Variants in PTPRG observed in about 807,000 individuals in gnomAD.
The protein encoded by PTPRG is receptor-type tyrosine-protein phosphatase gamma.
Under a neutral mutation model 165.3 loss-of-function variants are expected in PTPRG, and 102 were observed. The ratio of observed to expected loss-of-function variants is 0.62; its 90% CI spans 0.53 to 0.73. The LOEUF (loss-of-function observed/expected upper bound fraction) is 0.73. Among genes scored for constraint, PTPRG ranks in the 30% least tolerant of loss-of-function variants. The pLI, the probability that PTPRG is intolerant of heterozygous loss-of-function variation, is 0.00. For synonymous variants in PTPRG, 675 were observed against 669.5 expected (o/e 1.01, Z -0.13); for missense variants, 1,866 against 1,861.4 (o/e 1.00, Z -0.05).
intron 5 of PTPRG, among the ~76,000 whole-genome samples, chr3:62,129,373 A>G (rs1366730437): frequency 6.6e-6 from 1 of 152,164 alleles, no homozygotes; most frequent in Non-Finnish European, 1.5e-5. Flanking sequence ...TTCCTGTCGT[A>G]GTCTTTTTTG....
chr3:62,217,566 G>C lies in PTPRG; in HGVS notation c.2156-1285G>C, dbSNP rs576118471. ...GAGGGACACTCCGGGCTGGCTGAACGCTGGCCTCGTTTTTGCAGTGCAGGA... is the reference window on the plus strand; with the variant it reads ...GAGGGACACTCCGGGCTGGCTGAACCCTGGCCTCGTTTTTGCAGTGCAGGA... On this transcript the variant is annotated intron_variant, in intron 12 of 29. Coordinates refer to ENST00000474889, the MANE Select transcript of PTPRG (RefSeq NM_002841.4). This position sits in a 1 kb window ranked among gnomAD's most constrained non-coding sequence, Gnocchi z 4.3. The C allele has an allele frequency of 1.4e-4, 22 of 152,376 alleles. No individual in the cohort carries two copies. Among genetic ancestry groups the C allele is most frequent in the Admixed American group, 9.1e-4 (14 of 15,310 alleles). The allele number at this position is 152,376 out of a possible 1,614,324, so 9.4% of individuals were successfully genotyped here. A position where few individuals can be genotyped will look rare whatever the true frequency, so the allele number is the denominator to read the frequency against.
chr3:62,151,839 T>C (rs898761797), intron 6 of PTPRG, among the ~76,000 whole-genome samples: 41 of 152,290 alleles, frequency 2.7e-4, no homozygotes, highest in African/African-American at 8.9e-4. Flanking sequence ...GCACTATGCA[T>C]GCTTACTGTG....
intron 2 of PTPRG, among the ~76,000 whole-genome samples, chr3:61,832,105 ATGT>A (rs1273620832): frequency 3.9e-5 from 6 of 152,232 alleles, no homozygotes; most frequent in Admixed American, 3.3e-4. Flanking sequence ...AAGTGTAATC[ATGT>A]TGTTCAGCCT....
rs939924545 is a variant in PTPRG, at chr3:62,276,073, G to C, written c.3559+107G>C. On this transcript the variant is annotated intron_variant, in intron 24 of 29. Coordinates refer to ENST00000474889, the MANE Select transcript of PTPRG (RefSeq NM_002841.4). ...ATTGATAGCACCCTTCAATTGTACTGTACGTGGCCGTATGGTAGAAGGTTT... is the reference window on the plus strand; with the variant it reads ...ATTGATAGCACCCTTCAATTGTACTCTACGTGGCCGTATGGTAGAAGGTTT... The C allele has an allele frequency of 4.2e-6, 3 of 711,796 alleles. No individual in the cohort carries two copies. The Admixed American group carries it at 9.6e-5, about 23-fold the overall frequency. 44.1% of individuals were successfully genotyped at this position (711,796 alleles called of 1,614,324 possible). A position where few individuals can be genotyped will look rare whatever the true frequency, so the allele number is the denominator to read the frequency against.
At chr3:62,178,215 A>C (rs1705508999) in intron 8 of PTPRG, among the ~76,000 whole-genome samples, 1 of 151,802 alleles carries the variant, frequency 6.6e-6, no homozygotes, top group African/African-American at 2.4e-5. Flanking sequence ...GGATGGGAGG[A>C]TGGATGGATG....
At chr3:62,279,180 C>A (rs540484344) in intron 26 of PTPRG, among the ~76,000 whole-genome samples, 3 of 152,006 alleles carry the variant, frequency 2.0e-5, no homozygotes, top group Non-Finnish European at 2.9e-5. Context: ...TATACCTTTA[C>A]CAGGTCATAA....
chr3:61,599,901 G>A (rs1488037098), intron 1 of PTPRG, among the ~76,000 whole-genome samples: 3 of 151,938 alleles, frequency 2.0e-5, no homozygotes, highest in Non-Finnish European at 4.4e-5. Context: ...GCCCACGCCT[G>A]TAATCTCAGC....
chr3:61,747,122 CA>C (rs34710146), intron 1 of PTPRG, among the ~76,000 whole-genome samples: 118,934 of 150,514 alleles, frequency 0.79, 46,907 homozygotes, highest in East Asian at 0.92. Context: ...GACCCTGTTT[CA>C]AAAAAAAAAC....
At position 61,748,970 on chromosome 3, in the gene PTPRG, T is replaced by C. The variant is rs1468683681; in HGVS notation, c.178T>C (p.Trp60Arg). 3 of 1,611,704 alleles carry C rather than the reference T, an allele frequency of 1.9e-6. No homozygotes were observed. Residue 60 changes from tryptophan to arginine, a missense_variant, in exon 2 of 30, where the codon TGG becomes CGG. Trp to Arg is a moderately radical substitution (Grantham distance 101). This residue lies in a region of PTPRG where 408 missense variants were observed against 376.2 expected (regional missense o/e 1.08). Coordinates refer to ENST00000474889, the MANE Select transcript of PTPRG (RefSeq NM_002841.4). ...GCGCAAGGCTTCAGGCGACCCGTAC[T>C]GGGCCTACTCTGGTAAGTCCAGTTG... ...RRRKASGDPY[W>R]AYSGAYGPEH... is the part of the protein sequence containing the mutation.
Position 61,956,272 on chromosome 3 carries a change from G to A in PTPRG, c.191-33353G>A, listed in dbSNP as rs190435595. ...ACAGCCAGTGCTCACTCGCGTGCAC[G>A]CTGTCTCTCTCTCTCTCTCTCTCAC... On this transcript the variant is annotated intron_variant, in intron 2 of 29. Coordinates refer to ENST00000474889, the MANE Select transcript of PTPRG (RefSeq NM_002841.4). Among the ~76,000 whole-genome samples the A allele has an allele frequency of 2.3e-3, 260 of 111,022 alleles. 1 individual carries two copies. Among genetic ancestry groups the A allele is most frequent in the African/African-American group, 8.0e-3 (246 of 30,942 alleles). 72.8% of individuals were successfully genotyped at this position (111,022 alleles called of 152,430 possible). A position where few individuals can be genotyped will look rare whatever the true frequency, so the allele number is the denominator to read the frequency against.
Position 62,202,752 on chromosome 3 carries a change from T to C in PTPRG, c.1378-421T>C, listed in dbSNP as rs555147032. 9.1e-4 allele frequency among the ~76,000 whole-genome samples: 139 copies of C among 152,334 alleles called. 2 individuals are homozygous for C. Among genetic ancestry groups the C allele is most frequent in the African/African-American group, 3.1e-3 (129 of 41,572 alleles). ...CTTTCCAGACCTAGAGCTGAGTATC[T>C]ACTCAAGTGTCAGTGATATACATAA... On this transcript the variant is annotated intron_variant, in intron 11 of 29. Coordinates refer to ENST00000474889, the MANE Select transcript of PTPRG (RefSeq NM_002841.4).
chr3:62,077,473 T>G (rs1701426725), intron 4 of PTPRG, among the ~76,000 whole-genome samples: 1 of 152,096 alleles, frequency 6.6e-6, no homozygotes, highest in African/African-American at 2.4e-5. Context: ...CAGGGCTTGT[T>G]AAGAGGATTA....
intron 2 of PTPRG, among the ~76,000 whole-genome samples, chr3:61,784,894 T>G (rs1256465869): frequency 6.6e-6 from 1 of 152,206 alleles, no homozygotes; most frequent in Non-Finnish European, 1.5e-5. Context: ...TGAAAACGGA[T>G]GAATTTAAAA....
At chr3:61,775,413 G>A (rs2034346403) in intron 2 of PTPRG, among the ~76,000 whole-genome samples, 1 of 152,114 alleles carries the variant, frequency 6.6e-6, no homozygotes, top group African/African-American at 2.4e-5. Context: ...TTGCAAGACT[G>A]TATGTAGCAA....
chr3:61,677,244 CAA>C (rs11426161), intron 1 of PTPRG, among the ~76,000 whole-genome samples: 16 of 71,548 alleles, frequency 2.2e-4, no homozygotes, highest in Non-Finnish European at 2.1e-4. Context: ...GACTCCGTCT[CAA>C]AAAAAAAAAA....
At chr3:61,956,751 C>A (rs895855112) in intron 2 of PTPRG, among the ~76,000 whole-genome samples, 1 of 152,152 alleles carries the variant, frequency 6.6e-6, no homozygotes, top group Non-Finnish European at 1.5e-5. Flanking sequence ...TGATCAAGTA[C>A]AATTACATAC....
At chr3:61,891,379 C>G (rs1437701085) in intron 2 of PTPRG, among the ~76,000 whole-genome samples, 1 of 152,206 alleles carries the variant, frequency 6.6e-6, no homozygotes, top group East Asian at 1.9e-4. Context: ...TTGATCCCAG[C>G]TGGCTTGACT....
intron 1 of PTPRG, among the ~76,000 whole-genome samples, chr3:61,657,284 G>A (rs542005153): frequency 6.6e-6 from 1 of 152,206 alleles, no homozygotes; most frequent in South Asian, 2.1e-4. Flanking sequence ...TAGAATGAGG[G>A]TGAGACTATG....
chr3:62,241,598 T>C lies in PTPRG; in HGVS notation c.2376-2209T>C, dbSNP rs530599475. 9.2e-5 allele frequency among the ~76,000 whole-genome samples: 14 copies of C among 152,160 alleles called. 1 individual carries two copies. The South Asian group carries it at 2.9e-3, about 32-fold the overall frequency. ...ATAATGTGGGGCCTGTAGTTCCACA[T>C]ATAACTGAGACTGGCTGAACTGTCT... is the stretch of plus-strand genomic sequence containing the variant. On this transcript the variant is annotated intron_variant, in intron 14 of 29. Transcript: ENST00000474889.
Sources: allele counts gnomAD v4.1 joint callset (sites outside exome capture counted in the v4.1 genomes callset), GRCh38; gene constraint gnomAD v4.1.1; regional missense constraint gnomAD v4.1.1; non-coding constraint Gnocchi (gnomAD v3.1); transcripts MANE v1.5; gene names NCBI Gene and HGNC (gene_info 2026-07-23, HGNC 2026-07-21).